Variants in TRAK2 observed in about 807,000 individuals in gnomAD.
TRAK2 encodes trafficking kinesin-binding protein 2.
A neutral mutation model predicts 104.6 loss-of-function variants in TRAK2; 81 were observed. That is an observed-to-expected ratio of 0.77 (90% CI 0.65 to 0.93). TRAK2 has a LOEUF of 0.93. Ranked by LOEUF, TRAK2 falls within the 40% of genes least tolerant of loss-of-function variation. TRAK2 has a pLI of 0.00. For synonymous variants in TRAK2, 406 were observed against 394.4 expected (o/e 1.03, Z -0.35); for missense variants, 1,002 against 1,089.0 (o/e 0.92, Z 1.12).
At chr2:201,382,288 A>T (rs1192791374) in intron 15 of TRAK2, among the ~76,000 whole-genome samples, 1 of 152,236 alleles carries the variant, frequency 6.6e-6, no homozygotes, top group Non-Finnish European at 1.5e-5. Context: ...TGTTACCAGT[A>T]TTTAATAGAT....
At chr2:201,384,317 C>G in intron 14 of TRAK2, 101 bp from the exon 15 acceptor site, 1 of 872,032 alleles carries the variant, frequency 1.1e-6, no homozygotes, top group Non-Finnish European at 1.8e-6. Flanking sequence ...TTATCAAGTA[C>G]CTTTTGTATT....
At chr2:201,413,200 G>A (rs1189673326) in intron 2 of TRAK2, 45 of 1,503,828 alleles carry the variant, frequency 3.0e-5, no homozygotes, top group Non-Finnish European at 4.2e-5. Flanking sequence ...CTGGCAATGT[G>A]CTGACCAACA....
Position 201,397,539 on chromosome 2 carries a change from C to T in TRAK2, c.732G>A (p.Lys244=). Residue 244 remains lysine, a synonymous_variant, in exon 7 of 16, where the codon AAG becomes AAA. Coordinates refer to ENST00000332624, the MANE Select transcript of TRAK2 (RefSeq NM_015049.3). Reference sequence around the variant, plus strand: ...CACAGTCGCTGACAAGCTGTTGTTCCTTTTCTTCATAGGTAACAGTTTCTG... The same window carrying T: ...CACAGTCGCTGACAAGCTGTTGTTCTTTTTCTTCATAGGTAACAGTTTCTG... ...IKTETVTYEE[K]EQQLVSDCVK... is the part of the protein sequence containing the mutation. 6.2e-7 allele frequency: 1 copy of T among 1,612,920 alleles called. No homozygotes were observed. The highest frequency in any genetic ancestry group is 8.5e-7 in the Non-Finnish European group (1 of 1,179,254).
chr2:201,411,548 T>A, intron 2 of TRAK2: 1 of 754,528 alleles, frequency 1.3e-6, no homozygotes, highest in South Asian at 1.3e-5. Flanking sequence ...GCATCTCTTT[T>A]ATGATGGAAA....
chr2:201,411,656 A>T, intron 2 of TRAK2: 1 of 795,568 alleles, frequency 1.3e-6, no homozygotes, highest in Admixed American at 1.7e-5. Flanking sequence ...TTCCCAACTT[A>T]TGAGTAAAAG....
intron 8 of TRAK2, 73 bp from the exon 9 acceptor site, chr2:201,394,945 A>G: frequency 7.7e-7 from 1 of 1,296,340 alleles, no homozygotes; most frequent in South Asian, 1.3e-5. Flanking sequence ...TTATAAAGAC[A>G]TGTGAAGAAT....
rs928784900 is a variant in TRAK2 at position 201,381,197 on chromosome 2, G to T, written c.2091C>A (p.Ser697=). Residue 697 remains serine, a synonymous_variant, in exon 16 of 16, where the codon TCC becomes TCA. Transcript: ENST00000332624. ...ATGAACTGCTACCGCTACTTCCACA[G>T]GATAATGAAGGGAACCCAGAGCTTA... is the stretch of plus-strand genomic sequence containing the variant. ...VTPSSGFPSL[S]CGSSGSSSSN... is the part of the protein sequence containing the mutation. 1.2e-6 allele frequency: 2 copies of T among 1,605,244 alleles called. No individual in the cohort carries two copies. Among genetic ancestry groups the T allele is most frequent in the East Asian group, 2.2e-5 (1 of 44,640 alleles).
intron 5 of TRAK2, among the ~76,000 whole-genome samples, chr2:201,398,796 T>C (rs1452079512): frequency 6.6e-6 from 1 of 152,100 alleles, no homozygotes; most frequent in Non-Finnish European, 1.5e-5. Context: ...CTAGGAGTAC[T>C]GATTTTAGTT....
chr2:201,412,851 G>A, intron 2 of TRAK2: 2 of 823,080 alleles, frequency 2.4e-6, no homozygotes, highest in East Asian at 2.4e-5. Context: ...AACCACATTT[G>A]GTTTCTACAT....
At chr2:201,396,137 C>T (rs1236027319) in intron 7 of TRAK2, among the ~76,000 whole-genome samples, 1 of 152,118 alleles carries the variant, frequency 6.6e-6, no homozygotes, top group East Asian at 1.9e-4. Context: ...AGAAAAGCTA[C>T]TTCTCAGTGT....
At chr2:201,430,517 C>T (rs1951833008) in intron 1 of TRAK2, among the ~76,000 whole-genome samples, 1 of 152,224 alleles carries the variant, frequency 6.6e-6, no homozygotes, top group Admixed American at 6.5e-5. Flanking sequence ...CCTACTCAAG[C>T]TTCAGCAATG....
At chr2:201,395,278 T>C in intron 8 of TRAK2, 36 bp downstream of exon 8, 2 of 1,569,248 alleles carry the variant, frequency 1.3e-6, no homozygotes, top group Non-Finnish European at 1.7e-6. Context: ...ATGTGAGTGC[T>C]TAACAAATAT....
intron 9 of TRAK2, among the ~76,000 whole-genome samples, chr2:201,393,399 T>C (rs1951465990): frequency 6.6e-6 from 1 of 152,170 alleles, no homozygotes; most frequent in Non-Finnish European, 1.5e-5. Flanking sequence ...AATATTAATC[T>C]TTTTAAACAT....
At chr2:201,412,412 G>A (rs1232308828) in intron 2 of TRAK2, 5 of 1,307,178 alleles carry the variant, frequency 3.8e-6, no homozygotes, top group African/African-American at 1.5e-5. Context: ...ACATGTTCAC[G>A]AACTTCCTCA....
intron 2 of TRAK2, among the ~76,000 whole-genome samples, chr2:201,409,238 A>C (rs1951622838): frequency 6.6e-6 from 1 of 151,960 alleles, no homozygotes; most frequent in African/African-American, 2.4e-5. Context: ...TATTTAGTAC[A>C]ATGCGCCTTG....
In TRAK2 at chr2:201,378,014, ATTC is replaced by A. The variant is rs1364374655; in HGVS notation, c.*2526_*2528del. On this transcript the variant is annotated 3_prime_UTR_variant, in exon 16 of 16. Coordinates refer to ENST00000332624, the MANE Select transcript of TRAK2 (RefSeq NM_015049.3). Reference sequence around the variant, plus strand: ...GGGAGGAATCAGCTATTAGGCTCCAATTCTTCTTACTATATTTTGCAGACAATT... The same window carrying A: ...GGGAGGAATCAGCTATTAGGCTCCAATTCTTACTATATTTTGCAGACAATT... 6.6e-6 allele frequency: 1 copy of A among 152,324 alleles called. No individual in the cohort carries two copies. Among genetic ancestry groups the A allele is most frequent in the African/African-American group, 2.4e-5 (1 of 41,450 alleles). The allele number at this position is 152,324 out of a possible 1,614,324, so 9.4% of individuals were successfully genotyped here. A position where few individuals can be genotyped will look rare whatever the true frequency, so the allele number is the denominator to read the frequency against.
chr2:201,380,826 G>C lies in TRAK2; in HGVS notation c.2462C>G (p.Ser821Cys). The change falls in exon 16 of 16, where the codon TCC becomes TGC. Residue 821 changes from serine to cysteine, a missense_variant. Ser to Cys is a moderately radical substitution (Grantham distance 112). Transcript: ENST00000332624. ...CTGGCCAACATCAGGAGGGTTCCGG[G>C]AGGGTCTCAAGCCATACATCTCCTG... is the stretch of plus-strand genomic sequence containing the variant. The part of the protein sequence containing the change: ...FLQEMYGLRP[S>C]RNPPDVGQLK... 4 of 1,614,108 alleles carry C rather than the reference G, an allele frequency of 2.5e-6. No homozygotes were observed. Among genetic ancestry groups the C allele is most frequent in the Non-Finnish European group, 3.4e-6 (4 of 1,180,000 alleles).
intron 1 of TRAK2, among the ~76,000 whole-genome samples, chr2:201,430,672 T>C (rs1375022237): frequency 6.6e-6 from 1 of 152,154 alleles, no homozygotes; most frequent in Non-Finnish European, 1.5e-5. Context: ...GCTAAGACTG[T>C]TGGAAAAGCG....
chr2:201,379,175 T>C lies in TRAK2; in HGVS notation c.*1368A>G, dbSNP rs940613139. ...GTCTAGACAAAGCCACGTCATCTGATGAGAAGCAGACTTTGCTCAGCAACA... is the reference window on the plus strand; with the variant it reads ...GTCTAGACAAAGCCACGTCATCTGACGAGAAGCAGACTTTGCTCAGCAACA... On this transcript the variant is annotated 3_prime_UTR_variant, in exon 16 of 16. Transcript: ENST00000332624. The C allele has an allele frequency of 6.6e-6, 1 of 152,220 alleles. No homozygotes were observed. Among genetic ancestry groups the C allele is most frequent in the Non-Finnish European group, 1.5e-5 (1 of 68,040 alleles). The allele number at this position is 152,220 out of a possible 1,614,324, so 9.4% of individuals were successfully genotyped here. A position where few individuals can be genotyped will look rare whatever the true frequency, so the allele number is the denominator to read the frequency against.
Sources: allele counts gnomAD v4.1 joint callset (sites outside exome capture counted in the v4.1 genomes callset), GRCh38; gene constraint gnomAD v4.1.1; transcripts MANE v1.5; gene names NCBI Gene and HGNC (gene_info 2026-07-23, HGNC 2026-07-21).